Variants in CSMD3 observed in about 807,000 individuals in gnomAD.
CSMD3 encodes the protein CUB and sushi domain-containing protein 3.
CSMD3 carries 177 observed loss-of-function variants against 435.2 expected under a neutral mutation model. The ratio of observed to expected loss-of-function variants is 0.41; its 90% CI spans 0.36 to 0.46. The LOEUF (loss-of-function observed/expected upper bound fraction) is 0.46. CSMD3 is among the 20% of genes least tolerant of loss of function. The pLI is 0.34. For synonymous variants in CSMD3, 1,656 were observed against 1,520.5 expected, an observed-to-expected ratio of 1.09 and a Z score of -2.07; for missense variants, 4,265 against 4,504.6, an observed-to-expected ratio of 0.95 and a Z score of 1.52.
At chr8:112,284,756 T>G (rs1476528622) in intron 58 of CSMD3, among the ~76,000 whole-genome samples, 1 of 151,958 alleles carries the variant, frequency 6.6e-6, no homozygotes, top group Non-Finnish European at 1.5e-5. Context: ...AGTAATAAAC[T>G]GAAGCAATAG....
chr8:112,290,339 T>C (rs183185332), intron 56 of CSMD3, among the ~76,000 whole-genome samples: 3 of 152,012 alleles, frequency 2.0e-5, no homozygotes, highest in Non-Finnish European at 2.9e-5. Context: ...GGGAGAGCTA[T>C]AGGAAATGAT....
At chr8:112,866,336 T>C (rs190714885) in intron 10 of CSMD3, among the ~76,000 whole-genome samples, 1 of 152,280 alleles carries the variant, frequency 6.6e-6, no homozygotes, top group Admixed American at 6.5e-5. Context: ...CCATAAGCTC[T>C]GATAAGCCTA....
intron 6 of CSMD3, among the ~76,000 whole-genome samples, chr8:112,993,543 T>C (rs1441503618): frequency 6.6e-6 from 1 of 151,884 alleles, no homozygotes; most frequent in Non-Finnish European, 1.5e-5. Flanking sequence ...GTGCCTATTA[T>C]GTGCTATGCA....
In CSMD3 at chr8:113,248,269, C is replaced by T. The variant is rs113411847; in HGVS notation, c.514+30323G>A. On this transcript the variant is annotated intron_variant, in intron 3 of 70. Transcript: ENST00000297405. ...GATGAAGCATAATTTACCTATCTTA[C>T]GTGTACCATTTTTCAAATATGAGAA... Among the ~76,000 whole-genome samples the T allele has an allele frequency of 3.6e-3, 539 of 151,324 alleles. 2 individuals carry two copies. The highest frequency in any genetic ancestry group is 0.012 in the African/African-American group (497 of 41,358).
chr8:113,324,055 T>C (rs2093966821), intron 1 of CSMD3, among the ~76,000 whole-genome samples: 2 of 152,138 alleles, frequency 1.3e-5, no homozygotes. Flanking sequence ...TGGAAGAAAT[T>C]TCTAAGCAGC....
intron 13 of CSMD3, among the ~76,000 whole-genome samples, chr8:112,694,656 T>C (rs1301377929): frequency 6.6e-6 from 1 of 152,100 alleles, no homozygotes; most frequent in Non-Finnish European, 1.5e-5. Context: ...AACACTGCTT[T>C]TGGGTTTTTT....
chr8:112,341,442 TTATA>T (rs1172074138), intron 42 of CSMD3, 31 bp downstream of exon 42: 16 of 1,271,132 alleles, frequency 1.3e-5, no homozygotes, highest in Non-Finnish European at 1.8e-5. Flanking sequence ...TGATTTGGGG[TTATA>T]TAAATTTTCA....
intron 9 of CSMD3, among the ~76,000 whole-genome samples, chr8:112,937,925 G>A (rs144025283): frequency 6.6e-6 from 1 of 152,178 alleles, no homozygotes; most frequent in African/African-American, 2.4e-5. Context: ...TAAATACTGA[G>A]CAGAAAGATA....
At chr8:112,337,015 T>G (rs1824635853) in intron 43 of CSMD3, among the ~76,000 whole-genome samples, 186 bp from the exon 44 acceptor site, 1 of 152,202 alleles carries the variant, frequency 6.6e-6, no homozygotes, top group African/African-American at 2.4e-5. Context: ...TTTTATTTAT[T>G]TTTCCACATG....
At chr8:113,417,079 T>C (rs1004275037) in intron 1 of CSMD3, among the ~76,000 whole-genome samples, 3 of 152,000 alleles carry the variant, frequency 2.0e-5, no homozygotes, top group Admixed American at 6.6e-5. Flanking sequence ...AAATAAAATA[T>C]TAGTGAAGAA....
chr8:112,522,228 T>C (rs1448596984), intron 27 of CSMD3, among the ~76,000 whole-genome samples: 1 of 151,860 alleles, frequency 6.6e-6, no homozygotes, highest in East Asian at 1.9e-4. Flanking sequence ...TGAAAAAAGA[T>C]AGACATGTAA....
intron 13 of CSMD3, among the ~76,000 whole-genome samples, chr8:112,711,733 G>A (rs960155349): frequency 6.6e-6 from 1 of 151,990 alleles, no homozygotes; most frequent in African/African-American, 2.4e-5. Context: ...CAATATCATT[G>A]TTATTTATGT....
intron 10 of CSMD3, among the ~76,000 whole-genome samples, chr8:112,908,063 T>A (rs117980744): frequency 0.011 from 1,733 of 151,514 alleles, 14 homozygotes; most frequent in Admixed American, 0.018. Flanking sequence ...AGTTCTGTAG[T>A]TAAAGTAATA....
chr8:112,435,253 A>C (rs773861586), intron 32 of CSMD3, among the ~76,000 whole-genome samples: 10 of 152,116 alleles, frequency 6.6e-5, no homozygotes, highest in Non-Finnish European at 1.5e-4. Context: ...TGAATTCTCA[A>C]GTATGCCAAT....
rs113449703 is a variant in CSMD3 at position 112,335,423 on chromosome 8, G to A, written c.7071C>T (p.Thr2357=). Residue 2357 remains threonine (T), a synonymous_variant, in exon 45 of 71, where the codon ACC becomes ACT. Transcript: ENST00000297405. ...AAGTACTGTAGACTGATTCCAAAGC[G>A]GTATTGCCACTGAACTGACCGATCT... ...SPQIGQFSGN[T]ALESVYSTSN... 6.4e-4 allele frequency: 1,040 copies of A among 1,613,814 alleles called. 5 individuals are homozygous for A. The Middle Eastern group carries it at 0.011, about 18-fold the overall frequency.
rs189578032 is a variant in CSMD3, at chr8:113,359,149, G to A, written c.179-44356C>T. 3.8e-4 allele frequency among the ~76,000 whole-genome samples: 58 copies of A among 152,206 alleles called. No homozygotes were observed. In the East Asian group the frequency reaches 6.8e-3, roughly 18 times the overall value. ...TTTGGGATTGCCTCTAAGTTTGTAC[G>A]TTTGACCAACTATGATTCTGGCACA... On this transcript the variant is annotated intron_variant, in intron 1 of 70. Coordinates refer to ENST00000297405, the MANE Select transcript of CSMD3 (RefSeq NM_198123.2).
At chr8:113,394,107 G>T (rs4354335) in intron 1 of CSMD3, among the ~76,000 whole-genome samples, 2 of 151,336 alleles carry the variant, frequency 1.3e-5, no homozygotes, top group African/African-American at 4.9e-5. Context: ...TACAAGTATA[G>T]TCTAGCATTT....
chr8:112,700,378 G>C (rs980763954), intron 13 of CSMD3, among the ~76,000 whole-genome samples: 1 of 152,096 alleles, frequency 6.6e-6, no homozygotes, highest in African/African-American at 2.4e-5. Context: ...GCAGGTGCCT[G>C]TAATCCCAGC....
At chr8:113,347,832 TGAAGA>T (rs1279895633) in intron 1 of CSMD3, among the ~76,000 whole-genome samples, 1 of 151,858 alleles carries the variant, frequency 6.6e-6, no homozygotes, top group Non-Finnish European at 1.5e-5. Context: ...ATGATGAAAA[TGAAGA>T]GAAATGATAC....
Sources: allele counts gnomAD v4.1 joint callset (sites outside exome capture counted in the v4.1 genomes callset), GRCh38; gene constraint gnomAD v4.1.1; transcripts MANE v1.5; gene names NCBI Gene and HGNC (gene_info 2026-07-23, HGNC 2026-07-21).